The following SLC22A8 variants were observed in gnomAD, a reference collection of about 807,000 sequenced individuals.
The protein encoded by SLC22A8 is organic anion transporter 3.
SLC22A8 carries 40 observed loss-of-function variants against 48.4 expected under a neutral mutation model. The ratio of observed to expected loss-of-function variants is 0.83; its 90% CI spans 0.64 to 1.08. The LOEUF (loss-of-function observed/expected upper bound fraction) is 1.08. Among genes scored for constraint, SLC22A8 ranks in the 50% least tolerant of loss-of-function variants. SLC22A8 has a pLI of 0.00. For missense variants in SLC22A8, 606 were observed against 699.0 expected, an observed-to-expected ratio of 0.87 and a Z score of 1.50; for synonymous variants, 268 against 286.3, an observed-to-expected ratio of 0.94 and a Z score of 0.65.
chr11:63,009,870 C>T (rs1014355174), intron 2 of SLC22A8, among the ~76,000 whole-genome samples: 3 of 152,056 alleles, frequency 2.0e-5, no homozygotes, highest in Non-Finnish European at 2.9e-5. Flanking sequence ...GCTGGAGTGG[C>T]GAGGTCACTT....
At chr11:63,000,844 G>C (rs2086485324) in intron 2 of SLC22A8, 21 bp from the exon 3 acceptor site, 1 of 1,585,340 alleles carries the variant, frequency 6.3e-7, no homozygotes, top group Admixed American at 1.7e-5. Flanking sequence ...GAAAGGTAGG[G>C]CTAGCCTAAC....
intron 7 of SLC22A8, 113 bp downstream of exon 7, chr11:62,995,591 G>A (rs774987932): frequency 1.3e-6 from 1 of 750,940 alleles, no homozygotes; most frequent in East Asian, 2.5e-5. Flanking sequence ...CAGGAGAGGG[G>A]ATTCTCTGAC....
intron 5 of SLC22A8, 143 bp from the exon 6 acceptor site, chr11:62,996,295 C>T: frequency 1.2e-6 from 1 of 835,598 alleles, no homozygotes; most frequent in Non-Finnish European, 1.8e-6. Context: ...GGAATTTAAA[C>T]TTGGACAAAC....
Position 62,993,764 on chromosome 11 carries a change from A to T in SLC22A8, c.1325+6T>A. 1 of 1,607,252 alleles carries T rather than the reference A, an allele frequency of 6.2e-7. No individual in the cohort carries two copies. The highest frequency in any genetic ancestry group is 8.5e-7 in the Non-Finnish European group (1 of 1,173,668). On this transcript the variant is annotated splice_donor_region_variant and intron_variant, in intron 9 of 10. Transcript: ENST00000336232. The stretch of plus-strand genomic sequence containing the variant: ...GGCTGGGCCTGGCCCCAGGTCCAGC[A>T]CCTACCTGATGACTGTGGGGTATAA...
In SLC22A8 at chr11:63,014,842, G is replaced by A; in HGVS notation, c.117C>T (p.Ile39=). ...LNMANHNLLQ[I]FTAATPVHHC... is the part of the protein sequence containing the mutation. ...GGTGGACAGGGGTGGCGGCTGTGAA[G>A]ATCTGCAGCAGGTTGTGGTTGGCCA... The change falls in exon 2 of 11, where the codon ATC becomes ATT. Residue 39 remains isoleucine (I), a synonymous_variant. Transcript: ENST00000336232. 1 of 1,612,332 alleles carries A rather than the reference G, an allele frequency of 6.2e-7. No individual in the cohort carries two copies. Among genetic ancestry groups the A allele is most frequent in the South Asian group, 1.1e-5 (1 of 90,978 alleles).
At chr11:62,998,809 T>C in intron 5 of SLC22A8, 112 bp downstream of exon 5, 2 of 897,428 alleles carry the variant, frequency 2.2e-6, no homozygotes. Context: ...CTTCCCTGAC[T>C]CTGGGACTGG....
rs755172993 is a variant in SLC22A8 at position 63,014,743 on chromosome 11, C to T, written c.216G>A (p.Arg72=). ...TGGGCGGATGTACAAAACGGAGGCACCTCTCAGGCTTCCCATTTGGGCCCA... is the reference window on the plus strand; with the variant it reads ...TGGGCGGATGTACAAAACGGAGGCATCTCTCAGGCTTCCCATTTGGGCCCA... ...LPMGPNGKPE[R]CLRFVHPPNA... Residue 72 remains arginine, a synonymous_variant, in exon 2 of 11, where the codon AGG becomes AGA. Coordinates refer to ENST00000336232, the MANE Select transcript of SLC22A8 (RefSeq NM_004254.4). 18 of 1,614,002 alleles carry T rather than the reference C, an allele frequency of 1.1e-5. No homozygotes were observed. Among genetic ancestry groups the T allele is most frequent in the Non-Finnish European group, 1.5e-5 (18 of 1,179,994 alleles).
intron 2 of SLC22A8, among the ~76,000 whole-genome samples, chr11:63,006,209 C>T (rs11231301): frequency 1.3e-5 from 2 of 152,134 alleles, no homozygotes; most frequent in Non-Finnish European, 2.9e-5. Flanking sequence ...CCATGGTAGT[C>T]TGAGCCATGC....
rs746172109 is a variant in SLC22A8, at chr11:62,993,510, G to A, written c.1443C>T (p.Thr481=). ...GGGCAGCACTGCCCCCGAGGAGGGC[G>A]GTGATCCCGTAGATGATATTGGGGA... ...PFIPNIIYGI[T]ALLGGSAALF... is the part of the protein sequence containing the mutation. The change falls in exon 10 of 11, where the codon ACC becomes ACT. Residue 481 remains threonine (T), a synonymous_variant. Transcript: ENST00000336232. 41 of 1,614,032 alleles carry A rather than the reference G, an allele frequency of 2.5e-5. No individual in the cohort carries two copies. The highest frequency in any genetic ancestry group is 5.3e-5 in the African/African-American group (4 of 74,916).
chr11:62,998,076 T>A (rs564545030), intron 5 of SLC22A8, among the ~76,000 whole-genome samples: 4 of 152,124 alleles, frequency 2.6e-5, no homozygotes, highest in Non-Finnish European at 5.9e-5. Context: ...CTCGGCCTCC[T>A]GAGTAGCTGG....
chr11:63,007,378 T>C (rs2086568027), intron 2 of SLC22A8, among the ~76,000 whole-genome samples: 1 of 152,106 alleles, frequency 6.6e-6, no homozygotes, highest in Admixed American at 6.5e-5. Flanking sequence ...CAGGCTGGAG[T>C]ACAGTGGTGC....
intron 1 of SLC22A8, 55 bp from the exon 2 acceptor site, chr11:63,015,038 G>A (rs2086659551): frequency 2.1e-5 from 26 of 1,262,062 alleles, no homozygotes; most frequent in Non-Finnish European, 2.9e-5. Context: ...TAGTGCGTGG[G>A]TCTATGGAAC....
intron 2 of SLC22A8, among the ~76,000 whole-genome samples, chr11:63,008,000 G>A (rs548216619): frequency 1.1e-4 from 17 of 152,306 alleles, no homozygotes; most frequent in South Asian, 2.1e-4. Context: ...GCCTCCCTGC[G>A]TGCCGTGCTC....
At chr11:62,993,982 G>C in intron 8 of SLC22A8, 104 bp from the exon 9 acceptor site, 1 of 737,874 alleles carries the variant, frequency 1.4e-6, no homozygotes, top group South Asian at 1.5e-5. Flanking sequence ...CTTCCAAGAA[G>C]CTCAGATCCA....
chr11:62,999,549 C>T (rs558211507), intron 4 of SLC22A8, 139 bp downstream of exon 4: 2 of 607,596 alleles, frequency 3.3e-6, no homozygotes, highest in Non-Finnish European at 5.7e-6. Context: ...TTAAGTGAGG[C>T]CTCTGAGGTC....
Position 63,014,722 on chromosome 11 carries a change from C to T in SLC22A8, c.237G>A (p.Pro79=), listed in dbSNP as rs376866397. Residue 79 remains proline, a synonymous_variant, in exon 2 of 11, where the codon CCG becomes CCA. Transcript: ENST00000336232. ...KPERCLRFVH[P]PNASLPNDTQ... ...TGTCATTGGGCAGGCTGGCATTGGG[C>T]GGATGTACAAAACGGAGGCACCTCT... 4.0e-5 allele frequency: 64 copies of T among 1,614,056 alleles called. No homozygotes were observed. The highest frequency in any genetic ancestry group is 2.5e-4 in the Admixed American group (15 of 60,016).
In SLC22A8 at chr11:62,999,013, G is replaced by T. The variant is rs780773317; in HGVS notation, c.669C>A (p.Phe223Leu). ...TGGCGTAGGCCAGGCCGGGCAGAAT[G>T]AACTGGCCAAAGGTGTAGCAGTACC... ...ALGYCYTFGQ[F>L]ILPGLAYAIP... The change falls in exon 5 of 11, where the codon TTC (phenylalanine) becomes TTA (leucine). Residue 223 changes from phenylalanine to leucine, a missense_variant. Transcript: ENST00000336232. 5 of 1,614,206 alleles carry T rather than the reference G, an allele frequency of 3.1e-6. No homozygotes were observed. The Admixed American group carries it at 8.3e-5, about 27-fold the overall frequency.
intron 8 of SLC22A8, 101 bp downstream of exon 8, chr11:62,994,440 CA>C: frequency 3.6e-6 from 3 of 844,632 alleles, no homozygotes; most frequent in Non-Finnish European, 5.8e-6. Flanking sequence ...GGGACCTGCT[CA>C]AGGTAACACA....
In SLC22A8 at chr11:62,995,622, GC is replaced by G. The variant is rs1167003167; in HGVS notation, c.1001+81del. On this transcript the variant is annotated intron_variant, in intron 7 of 10. Transcript: ENST00000336232. ...CTGACTTCTCTTTCAGATGCCCTAG[GC>G]CTTGCCCTTAAGTGAGCCTACTGGA... The G allele has an allele frequency of 6.3e-6, 6 of 958,418 alleles. No homozygotes were observed. In the Admixed American group the frequency reaches 1.0e-4, roughly 17 times the overall value. The allele number at this position is 958,418 out of a possible 1,614,324, so 59.4% of individuals were successfully genotyped here. A position where few individuals can be genotyped will look rare whatever the true frequency, so the allele number is the denominator to read the frequency against.
Sources: allele counts gnomAD v4.1 joint callset (sites outside exome capture counted in the v4.1 genomes callset), GRCh38; gene constraint gnomAD v4.1.1; transcripts MANE v1.5; gene names NCBI Gene and HGNC (gene_info 2026-07-23, HGNC 2026-07-21).